The following ATG7 variants were observed in gnomAD, a reference collection of about 807,000 sequenced individuals.
ATG7 encodes the protein ubiquitin-like modifier-activating enzyme ATG7.
ATG7 carries 70 observed loss-of-function variants against 82.4 expected under a neutral mutation model. The observed-to-expected ratio is 0.85, with a 90% CI of 0.70 to 1.04. The LOEUF (loss-of-function observed/expected upper bound fraction) is 1.04. ATG7 is among the 50% of genes least tolerant of loss of function. The probability of loss-of-function intolerance (pLI) is 0.00; values close to 1 mark genes in which losing one functional copy is unlikely to be tolerated. For synonymous variants in ATG7, 287 were observed against 313.0 expected, an observed-to-expected ratio of 0.92 and a Z score of 0.88; for missense variants, 792 against 864.3, an observed-to-expected ratio of 0.92 and a Z score of 1.05.
intron 19 of ATG7, among the ~76,000 whole-genome samples, chr3:11,380,949 A>C (rs1365402981): frequency 6.6e-6 from 1 of 152,176 alleles, no homozygotes; most frequent in African/African-American, 2.4e-5. Flanking sequence ...TGAAAACTGT[A>C]CTTGGGCTAT....
chr3:11,458,185 T>G (rs1412046435), intron 20 of ATG7, among the ~76,000 whole-genome samples: 1 of 152,162 alleles, frequency 6.6e-6, no homozygotes, highest in Non-Finnish European at 1.5e-5. Flanking sequence ...AATTTCTTCA[T>G]TTTTTTCCTA....
intron 14 of ATG7, 117 bp downstream of exon 14, chr3:11,348,152 A>G (rs1954856723): frequency 2.9e-6 from 4 of 1,372,338 alleles, no homozygotes; most frequent in Non-Finnish European, 4.0e-6. Context: ...TCTACCAGCC[A>G]CTCGCTATGT....
At chr3:11,330,982 A>G (rs979361004) in intron 9 of ATG7, among the ~76,000 whole-genome samples, 1 of 152,132 alleles carries the variant, frequency 6.6e-6, no homozygotes, top group African/African-American at 2.4e-5. Context: ...TTCACAGATT[A>G]TATTTCTTTG....
At chr3:11,515,395 C>T (rs961799250) in intron 20 of ATG7, among the ~76,000 whole-genome samples, 1 of 151,998 alleles carries the variant, frequency 6.6e-6, no homozygotes, top group Non-Finnish European at 1.5e-5. Context: ...CCTCCACCTC[C>T]CCGGTTCAAG....
intron 20 of ATG7, among the ~76,000 whole-genome samples, chr3:11,481,599 C>T (rs770303178): frequency 1.5e-4 from 23 of 152,164 alleles, no homozygotes; most frequent in Non-Finnish European, 2.8e-4. Context: ...GAAATAAGAG[C>T]AGGATCTCCT....
chr3:11,437,769 T>C (rs963035954), intron 20 of ATG7, among the ~76,000 whole-genome samples: 83 of 152,194 alleles, frequency 5.5e-4, no homozygotes, highest in African/African-American at 1.9e-3. Flanking sequence ...CGTTTTCTCT[T>C]TTAAACCATT....
chr3:11,459,013 A>C (rs752519194), intron 20 of ATG7, among the ~76,000 whole-genome samples: 3 of 152,086 alleles, frequency 2.0e-5, no homozygotes, highest in African/African-American at 4.8e-5. Flanking sequence ...GGACAGTTTC[A>C]TTCATCACCC....
rs564547887 is a variant in ATG7 at position 11,396,048 on chromosome 3, C to CA, written c.1956+16000dup. 1.6e-4 allele frequency among the ~76,000 whole-genome samples: 23 copies of CA among 145,644 alleles called. No individual in the cohort carries two copies. In the South Asian group the frequency reaches 3.7e-3, roughly 24 times the overall value. ...AGAGTCCACCACTAGCATGTTTACA[C>CA]AAAAGGACTTTTATTGGGTCTTCTC... On this transcript the variant is annotated intron_variant, in intron 19 of 20. Coordinates refer to ENST00000693202, the MANE Select transcript of ATG7 (RefSeq NM_001349232.2).
chr3:11,560,690 G>A (rs960958681), downstream of ATG7, among the ~76,000 whole-genome samples: 8 of 152,140 alleles, frequency 5.3e-5, no homozygotes, highest in Admixed American at 3.9e-4. Flanking sequence ...GCCAGGGTAG[G>A]GGGGGATGTG....
chr3:11,482,602 A>G (rs1377535989), intron 20 of ATG7, among the ~76,000 whole-genome samples: 1 of 152,060 alleles, frequency 6.6e-6, no homozygotes, highest in Non-Finnish European at 1.5e-5. Flanking sequence ...CATTTGTTGA[A>G]AGACTAGAGT....
intron 1 of ATG7, among the ~76,000 whole-genome samples, chr3:11,273,582 ATGTTT>A (rs1941000813): frequency 6.6e-6 from 1 of 152,194 alleles, no homozygotes; most frequent in Non-Finnish European, 1.5e-5. Flanking sequence ...AAATTTTGTC[ATGTTT>A]TGTTATATCC....
intron 18 of ATG7, among the ~76,000 whole-genome samples, chr3:11,375,487 C>A (rs963536585): frequency 6.6e-6 from 1 of 152,212 alleles, no homozygotes; most frequent in Non-Finnish European, 1.5e-5. Context: ...TGGCTATAAT[C>A]TACAAGAGAC....
At chr3:11,565,119 C>G in the ATG7 span, 1 of 1,192,038 alleles carries the variant, frequency 8.4e-7, no homozygotes, top group South Asian at 2.2e-5. This position sits in a 1 kb window ranked among gnomAD's most constrained non-coding sequence, Gnocchi z 4.1. Flanking sequence ...AATTTTTTAC[C>G]CTGAAGCTCA....
chr3:11,548,882 A>C (rs955980824), intron 20 of ATG7, among the ~76,000 whole-genome samples: 2 of 152,212 alleles, frequency 1.3e-5, no homozygotes, highest in Admixed American at 1.3e-4. Flanking sequence ...CAGACTCCTA[A>C]AAGTGAGACG....
At position 11,398,582 on chromosome 3, in the gene ATG7, G is replaced by A. The variant is rs556881767; in HGVS notation, c.1956+18530G>A. Among the ~76,000 whole-genome samples the A allele has an allele frequency of 4.6e-5, 7 of 152,226 alleles. No individual in the cohort carries two copies. The South Asian group carries it at 1.4e-3, about 31-fold the overall frequency. Reference sequence around the variant, plus strand: ...GGAGAAAGCAGTACTTAATAAAAATGTGGCTCATGCCTGTAATCTCAGCAC... The same window carrying A: ...GGAGAAAGCAGTACTTAATAAAAATATGGCTCATGCCTGTAATCTCAGCAC... On this transcript the variant is annotated intron_variant, in intron 19 of 20. Coordinates refer to ENST00000693202, the MANE Select transcript of ATG7 (RefSeq NM_001349232.2).
intron 20 of ATG7, among the ~76,000 whole-genome samples, chr3:11,542,655 T>C (rs969611988): frequency 6.6e-5 from 10 of 152,180 alleles, no homozygotes; most frequent in African/African-American, 2.2e-4. Flanking sequence ...TTTCCCAGCC[T>C]AGTAGCTGCT....
intron 20 of ATG7, among the ~76,000 whole-genome samples, chr3:11,546,998 T>C (rs963920020): frequency 1.3e-5 from 2 of 152,246 alleles, no homozygotes; most frequent in Non-Finnish European, 2.9e-5. Flanking sequence ...GGTCAGGAGC[T>C]GGCCTGTCCT....
At chr3:11,559,244 G>A (rs1280625910), downstream of ATG7, 45 of 1,452,770 alleles carry the variant, frequency 3.1e-5, no homozygotes, top group Non-Finnish European at 3.2e-5. Context: ...GGGCTCAGGG[G>A]CGAGAGGTTT....
chr3:11,300,032 C>T (rs1362437232), intron 5 of ATG7, among the ~76,000 whole-genome samples: 1 of 151,736 alleles, frequency 6.6e-6, no homozygotes, highest in South Asian at 2.1e-4. Flanking sequence ...TCAAGCTTTT[C>T]TCGTGCCTTA....
Sources: gnomAD v4.1 joint callset for allele counts (sites outside exome capture counted in the v4.1 genomes callset) on GRCh38, gnomAD v4.1.1 for gene constraint, Gnocchi (gnomAD v3.1) non-coding constraint, MANE v1.5 for transcripts, NCBI Gene and HGNC (gene_info 2026-07-23, HGNC 2026-07-21) for gene names.